Variants in SGCD observed in about 807,000 individuals in gnomAD.
SGCD encodes the protein sarcoglycan delta.
In SGCD, 18 loss-of-function variants were observed where a neutral mutation model predicts 36.6. The ratio of observed to expected loss-of-function variants is 0.49; its 90% CI spans 0.34 to 0.73. The LOEUF (loss-of-function observed/expected upper bound fraction) is 0.73, where lower values mean the gene tolerates loss of function less well. SGCD is among the 30% of genes least tolerant of loss of function. The probability of loss-of-function intolerance (pLI) is 0.01; values close to 1 mark genes in which losing one functional copy is unlikely to be tolerated. For synonymous variants in SGCD, 133 were observed against 130.6 expected, an observed-to-expected ratio of 1.02 and a Z score of -0.12; for missense variants, 387 against 346.7, an observed-to-expected ratio of 1.12 and a Z score of -0.92.
intron 6 of SGCD, among the ~76,000 whole-genome samples, chr5:156,619,753 A>G (rs1762170868): frequency 6.6e-6 from 1 of 152,236 alleles, no homozygotes; most frequent in South Asian, 2.1e-4. Context: ...AGGGAAGGAA[A>G]TTAACTTTGT....
chr5:156,581,613 C>T (rs548363424), intron 4 of SGCD, among the ~76,000 whole-genome samples: 1 of 152,298 alleles, frequency 6.6e-6, no homozygotes, highest in East Asian at 1.9e-4. Context: ...TTTACCTACT[C>T]AAGCCTCAGC....
intron 6 of SGCD, among the ~76,000 whole-genome samples, chr5:156,607,409 G>A (rs1470308750): frequency 6.6e-6 from 1 of 152,178 alleles, no homozygotes; most frequent in Non-Finnish European, 1.5e-5. Context: ...CTTGATCATG[G>A]TGGATAAGCT....
intron 1 of SGCD, among the ~76,000 whole-genome samples, chr5:156,072,172 T>A (rs937409998): frequency 3.7e-4 from 50 of 134,324 alleles, no homozygotes; most frequent in African/African-American, 1.6e-3. Context: ...ATCCTGTCAT[T>A]ATGATATTAG....
intron 3 of SGCD, among the ~76,000 whole-genome samples, chr5:156,358,067 A>G (rs1769580959): frequency 6.6e-6 from 1 of 152,214 alleles, no homozygotes; most frequent in African/African-American, 2.4e-5. Context: ...CCATTATTAC[A>G]TGAGGCTGTC....
the SGCD span, among the ~76,000 whole-genome samples, chr5:155,839,938 CT>C: frequency 2.8e-3 from 410 of 147,970 alleles, 1 homozygote; most frequent in Non-Finnish European, 4.1e-3. Flanking sequence ...TTTGAAAACA[CT>C]TTTTTTTTTT....
the SGCD span, among the ~76,000 whole-genome samples, chr5:155,851,059 T>A: frequency 6.6e-6 from 1 of 152,188 alleles, no homozygotes; most frequent in African/African-American, 2.4e-5. Context: ...GCCAGTTGAT[T>A]AAAAGCTTTA....
At chr5:156,498,759 G>A (rs186346976) in intron 3 of SGCD, among the ~76,000 whole-genome samples, 37 of 152,302 alleles carry the variant, frequency 2.4e-4, no homozygotes, top group South Asian at 6.2e-4. Flanking sequence ...GTGAACATAC[G>A]TTTTTATTTA....
intron 7 of SGCD, among the ~76,000 whole-genome samples, chr5:156,710,093 A>G (rs954844580): frequency 6.6e-6 from 1 of 152,112 alleles, no homozygotes; most frequent in Non-Finnish European, 1.5e-5. Context: ...CTTATCCACC[A>G]AAGGTTGCAG....
intron 3 of SGCD, among the ~76,000 whole-genome samples, chr5:156,371,240 T>C (rs549696556): frequency 1.7e-3 from 261 of 152,268 alleles, no homozygotes; most frequent in Non-Finnish European, 2.7e-3. Flanking sequence ...ACCAATTGTT[T>C]TGGTTTTTGA....
intron 3 of SGCD, among the ~76,000 whole-genome samples, chr5:156,449,365 G>A (rs1389773115): frequency 1.3e-5 from 2 of 152,108 alleles, no homozygotes; most frequent in Non-Finnish European, 2.9e-5. Flanking sequence ...AACTAAGTCT[G>A]AATTTTCTCA....
chr5:155,741,816 C>G, the SGCD span, among the ~76,000 whole-genome samples: 1 of 151,932 alleles, frequency 6.6e-6, no homozygotes, highest in African/African-American at 2.4e-5. Flanking sequence ...CCTCAGCCTC[C>G]CAAGTAGCTG....
At chr5:156,232,091 A>T (rs1367288502) in intron 3 of SGCD, among the ~76,000 whole-genome samples, 2 of 152,246 alleles carry the variant, frequency 1.3e-5, no homozygotes, top group East Asian at 1.9e-4. Context: ...GATTCTATCA[A>T]GGAAAATGAA....
intron 1 of SGCD, among the ~76,000 whole-genome samples, chr5:156,101,941 T>TGTGTGTGTGTGTGTGTGTGA (rs1218348339): frequency 1.4e-4 from 20 of 138,262 alleles, no homozygotes; most frequent in Non-Finnish European, 2.8e-4. Flanking sequence ...TGTGTGTGTG[T>TGTGTGTGTGTGTGTGTGTGA]GAGAGAGAGA....
At chr5:156,308,438 A>G (rs1022660515) in intron 3 of SGCD, among the ~76,000 whole-genome samples, 3 of 152,056 alleles carry the variant, frequency 2.0e-5, no homozygotes, top group African/African-American at 7.2e-5. Context: ...AGCTGGGACT[A>G]CAGGTGTCTG....
intron 6 of SGCD, among the ~76,000 whole-genome samples, chr5:156,641,714 A>G (rs1311538783): frequency 6.6e-6 from 1 of 151,794 alleles, no homozygotes; most frequent in African/African-American, 2.4e-5. Context: ...TTGACTGTCT[A>G]TTTCATCTCC....
At chr5:156,627,098 G>T (rs900927598) in intron 6 of SGCD, among the ~76,000 whole-genome samples, 1 of 152,148 alleles carries the variant, frequency 6.6e-6, no homozygotes, top group Non-Finnish European at 1.5e-5. Context: ...ATTGCCCTGT[G>T]GGAGAATGAT....
chr5:156,484,316 A>G (rs1321420928), intron 3 of SGCD, among the ~76,000 whole-genome samples: 1 of 152,208 alleles, frequency 6.6e-6, no homozygotes, highest in African/African-American at 2.4e-5. Context: ...AGCACACACA[A>G]CATGCCATGT....
At chr5:156,048,467 C>T (rs1335041845) in intron 1 of SGCD, among the ~76,000 whole-genome samples, 1 of 152,216 alleles carries the variant, frequency 6.6e-6, no homozygotes, top group Non-Finnish European at 1.5e-5. Flanking sequence ...TATTTCTCCA[C>T]ATCCTCTCCA....
rs566986496 is a variant in SGCD at position 155,951,693 on chromosome 5, A to G, written c.-282+81269A>G. On this transcript the variant is annotated intron_variant, in intron 1 of 9. Coordinates refer to the SGCD transcript ENST00000517913. ...AAAAAAATAAAAGTGGAGATAGGCT[A>G]TGTCAAATGCCTAACTGTGCTCTTG... Among the ~76,000 whole-genome samples the G allele has an allele frequency of 9.2e-5, 14 of 152,248 alleles. No homozygotes were observed. The South Asian group carries it at 2.9e-3, about 32-fold the overall frequency.
Sources: gnomAD v4.1 joint callset for allele counts (sites outside exome capture counted in the v4.1 genomes callset) on GRCh38, gnomAD v4.1.1 for gene constraint, MANE v1.5 for transcripts, NCBI Gene and HGNC (gene_info 2026-07-23, HGNC 2026-07-21) for gene names.